The following TKT variants were observed in gnomAD, a reference collection of about 807,000 sequenced individuals.
The protein encoded by TKT is epididymis luminal protein 107.
Under a neutral mutation model 63.9 loss-of-function variants are expected in TKT, and 47 were observed. The observed-to-expected ratio is 0.74, with a 90% CI of 0.58 to 0.94. The LOEUF (loss-of-function observed/expected upper bound fraction) is 0.94, where lower values mean the gene tolerates loss of function less well. TKT is among the 40% of genes least tolerant of loss of function. TKT has a pLI of 0.00. For missense variants in TKT, 721 were observed against 846.2 expected, an observed-to-expected ratio of 0.85 and a Z score of 1.84; for synonymous variants, 338 against 334.1, an observed-to-expected ratio of 1.01 and a Z score of -0.13.
intron 1 of TKT, among the ~76,000 whole-genome samples, chr3:53,242,644 T>C (rs1477430166): frequency 6.6e-6 from 1 of 152,178 alleles, no homozygotes; most frequent in Non-Finnish European, 1.5e-5. Flanking sequence ...TCCCACCTAG[T>C]GGCCCCCAGG....
chr3:53,248,614 T>A (rs1705616278), intron 1 of TKT, among the ~76,000 whole-genome samples: 1 of 144,014 alleles, frequency 6.9e-6, no homozygotes, highest in African/African-American at 2.5e-5. Context: ...CGGGACACAG[T>A]GGAGACCCTG....
chr3:53,251,996 C>G (rs544473613), intron 1 of TKT, among the ~76,000 whole-genome samples: 1 of 152,156 alleles, frequency 6.6e-6, no homozygotes, highest in Non-Finnish European at 1.5e-5. Flanking sequence ...CAAAATTAGC[C>G]GGGCGTGGTG....
intron 1 of TKT, among the ~76,000 whole-genome samples, chr3:53,251,510 C>A (rs1553681660): frequency 1.3e-5 from 2 of 152,240 alleles, no homozygotes; most frequent in African/African-American, 4.8e-5. Flanking sequence ...TGTCCCTTCA[C>A]CTCCAGGCCC....
rs144750087 is a variant in TKT at position 53,240,334 on chromosome 3, G to A, written c.354C>T (p.Thr118=). Residue 118 remains threonine, a synonymous_variant, in exon 4 of 14, where the codon ACC becomes ACT. Transcript: ENST00000462138. ...GGCCCAGGGAGCCAGTGGCCACGTC[G>A]GTGAAAGCTTGTTTCTGTCATAACA... ...DGHPVPKQAF[T]DVATGSLGQG... The A allele has an allele frequency of 1.1e-4, 171 of 1,612,350 alleles. 1 individual carries two copies. In the Admixed American group the frequency reaches 1.7e-3, roughly 16 times the overall value.
intron 6 of TKT, 196 bp downstream of exon 6, chr3:53,232,960 C>A: frequency 1.7e-6 from 1 of 574,370 alleles, no homozygotes; most frequent in East Asian, 3.0e-5. Context: ...CCGGCAGAGG[C>A]CAGACGGATC....
intron 10 of TKT, chr3:53,228,651 C>T (rs782012941): frequency 6.0e-5 from 30 of 503,894 alleles, no homozygotes; most frequent in African/African-American, 2.9e-4. Context: ...AGGAACCACG[C>T]GCACTGGGTC....
rs782581923 is a variant in TKT at position 53,226,816 on chromosome 3, G to A, written c.1636C>T (p.Leu546Phe). 1 of 1,614,100 alleles carries A rather than the reference G, an allele frequency of 6.2e-7. No individual in the cohort carries two copies. The highest frequency in any genetic ancestry group is 8.5e-7 in the Non-Finnish European group (1 of 1,179,968). The part of the protein sequence containing the change: ...TIKPLDRKLI[L>F]DSARATKGRI... Reference sequence around the variant, plus strand: ...CCCTTGGTGGCACGAGCGCTGTCGAGAATGAGTTTTCTGTCCAGGGGCTTG... The same window carrying A: ...CCCTTGGTGGCACGAGCGCTGTCGAAAATGAGTTTTCTGTCCAGGGGCTTG... The change falls in exon 13 of 14, where the codon CTC becomes TTC. Residue 546 changes from leucine (L) to phenylalanine (F), a missense_variant. By Grantham distance (22) the Leu-to-Phe change is conservative (BLOSUM62 0). Coordinates refer to ENST00000462138, the MANE Select transcript of TKT (RefSeq NM_001064.4).
chr3:53,245,604 G>A (rs1553680773), intron 1 of TKT, among the ~76,000 whole-genome samples: 1 of 152,080 alleles, frequency 6.6e-6, no homozygotes, highest in Non-Finnish European at 1.5e-5. Context: ...GGCCAACATG[G>A]TGAAACCCCG....
chr3:53,240,072 G>A (rs1418104969), intron 4 of TKT, among the ~76,000 whole-genome samples, 179 bp downstream of exon 4: 1 of 152,248 alleles, frequency 6.6e-6, no homozygotes, highest in Non-Finnish European at 1.5e-5. Flanking sequence ...CATTTGTAAA[G>A]GGGGCCGGTC....
chr3:53,226,245 A>C, intron 13 of TKT: 1 of 295,896 alleles, frequency 3.4e-6, no homozygotes, highest in African/African-American at 2.2e-5. Flanking sequence ...AAGCCCAAAT[A>C]TGGCCTCTAA....
At chr3:53,242,324 G>A in intron 1 of TKT, 82 bp from the exon 2 acceptor site, 1 of 1,353,410 alleles carries the variant, frequency 7.4e-7, no homozygotes, top group East Asian at 2.3e-5. Context: ...CAGGGACCTG[G>A]GGGTGCATGT....
Position 53,227,928 on chromosome 3 carries a change from T to C in TKT, c.1573+128A>G, listed in dbSNP as rs1163449789. The C allele has an allele frequency of 2.8e-5, 22 of 777,498 alleles. No homozygotes were observed. In the African/African-American group the frequency reaches 3.9e-4, roughly 14 times the overall value. The allele number at this position is 777,498 out of a possible 1,614,324, so 48.2% of individuals were successfully genotyped here. A position where few individuals can be genotyped will look rare whatever the true frequency, so the allele number is the denominator to read the frequency against. On this transcript the variant is annotated intron_variant, in intron 12 of 13. Coordinates refer to ENST00000462138, the MANE Select transcript of TKT (RefSeq NM_001064.4). ...GGCTATAATTGCTATCATTATTTAATGAAATGAAATGCTTTCTCTCTAGCT... is the reference window on the plus strand; with the variant it reads ...GGCTATAATTGCTATCATTATTTAACGAAATGAAATGCTTTCTCTCTAGCT...
intron 5 of TKT, 90 bp from the exon 6 acceptor site, chr3:53,233,364 G>T (rs979768074): frequency 6.9e-6 from 7 of 1,020,604 alleles, no homozygotes; most frequent in Non-Finnish European, 9.8e-6. Context: ...TGGCAGCTGG[G>T]GTCTGCCCAG....
intron 8 of TKT, 39 bp downstream of exon 8, chr3:53,230,418 G>C (rs1553676725): frequency 6.2e-7 from 1 of 1,613,488 alleles, no homozygotes; most frequent in Non-Finnish European, 8.5e-7. Flanking sequence ...ACAGCCCTCA[G>C]CCTTGGGTGG....
chr3:53,246,133 T>C (rs1297222683), intron 1 of TKT, among the ~76,000 whole-genome samples: 2 of 152,016 alleles, frequency 1.3e-5, no homozygotes, highest in African/African-American at 4.8e-5. Flanking sequence ...CTGGGCATGG[T>C]GGCAGGCACC....
chr3:53,253,546 G>A (rs566764932), intron 1 of TKT, among the ~76,000 whole-genome samples: 3 of 152,338 alleles, frequency 2.0e-5, no homozygotes, highest in South Asian at 4.1e-4. Context: ...CGAGGTGGGT[G>A]GATCACCTGA....
At chr3:53,239,965 GA>G (rs1222807308) in intron 4 of TKT, among the ~76,000 whole-genome samples, 2 of 152,208 alleles carry the variant, frequency 1.3e-5, no homozygotes, top group African/African-American at 4.8e-5. Context: ...TCTGGCTGAA[GA>G]GCACATGATT....
At chr3:53,255,713 G>T in intron 1 of TKT, 123 bp downstream of exon 1, 3 of 568,278 alleles carry the variant, frequency 5.3e-6, no homozygotes, top group Non-Finnish European at 7.7e-6. Context: ...CTCCGACGGC[G>T]CCCGGGCCAC....
rs1056260973 is a variant in TKT at position 53,243,446 on chromosome 3, G to A, written c.108-1204C>T. ...CTGGAGCTCACGCCGCCAGCCTCCC[G>A]CCCCTCCAATCAGCGCTCCCACCAG... On this transcript the variant is annotated intron_variant, in intron 1 of 13. Transcript: ENST00000462138. The A allele has an allele frequency of 2.1e-5, 8 of 377,162 alleles. No homozygotes were observed. The East Asian group carries it at 2.3e-4, about 11-fold the overall frequency. The allele number at this position is 377,162 out of a possible 1,614,324, so 23.4% of individuals were successfully genotyped here.
Sources: gnomAD v4.1 joint callset for allele counts (sites outside exome capture counted in the v4.1 genomes callset) on GRCh38, gnomAD v4.1.1 for gene constraint, MANE v1.5 for transcripts, NCBI Gene and HGNC (gene_info 2026-07-23, HGNC 2026-07-21) for gene names.